MCU: variants seen among roughly 807,000 people sequenced by gnomAD.
The protein encoded by MCU is calcium uniporter protein, mitochondrial.
A neutral mutation model predicts 45.2 loss-of-function variants in MCU; 12 were observed. The ratio of observed to expected loss-of-function variants is 0.27; its 90% CI spans 0.17 to 0.43. MCU has a LOEUF of 0.43. MCU is among the 20% of genes least tolerant of loss of function. The pLI, the probability that MCU is intolerant of heterozygous loss-of-function variation, is 1.00. For synonymous variants in MCU, 160 were observed against 165.1 expected, an observed-to-expected ratio of 0.97 and a Z score of 0.24; for missense variants, 324 against 436.7, an observed-to-expected ratio of 0.74 and a Z score of 2.30.
intron 1 of MCU, among the ~76,000 whole-genome samples, chr10:72,704,618 G>A (rs1238062433): frequency 6.6e-6 from 1 of 150,898 alleles, no homozygotes; most frequent in Non-Finnish European, 1.5e-5. Flanking sequence ...AATCACTGTA[G>A]CCTCGAACTC....
At chr10:72,786,607 G>A (rs572427638) in intron 1 of MCU, among the ~76,000 whole-genome samples, 1 of 152,020 alleles carries the variant, frequency 6.6e-6, no homozygotes, top group African/African-American at 2.4e-5. Flanking sequence ...TTAGCAGGGC[G>A]TGGTGGCAGG....
chr10:72,719,544 T>G (rs111539177), intron 1 of MCU, among the ~76,000 whole-genome samples: 2 of 152,334 alleles, frequency 1.3e-5, no homozygotes, highest in African/African-American at 2.4e-5. Flanking sequence ...TCCCACTGAT[T>G]GTTACATCAG....
intron 1 of MCU, chr10:72,692,921 A>T (rs1321502108): frequency 6.6e-7 from 1 of 1,512,720 alleles, no homozygotes; most frequent in Non-Finnish European, 8.8e-7. Context: ...CTCGAGATGG[A>T]TGCTGCATTG....
At chr10:72,717,997 G>A (rs570226214) in intron 1 of MCU, among the ~76,000 whole-genome samples, 2 of 152,212 alleles carry the variant, frequency 1.3e-5, no homozygotes, top group Non-Finnish European at 2.9e-5. Context: ...TGGTACATTT[G>A]TTACAATTAA....
intron 4 of MCU, among the ~76,000 whole-genome samples, chr10:72,862,863 A>G (rs1285998867): frequency 6.6e-6 from 1 of 151,938 alleles, no homozygotes; most frequent in Non-Finnish European, 1.5e-5. Context: ...GTTTGGGACC[A>G]GCCTGGGCAA....
chr10:72,798,302 G>A (rs1844283062), intron 1 of MCU, among the ~76,000 whole-genome samples: 1 of 152,042 alleles, frequency 6.6e-6, no homozygotes, highest in Non-Finnish European at 1.5e-5. Context: ...TTGTTTGTTT[G>A]TTTGTTTGAG....
intron 1 of MCU, among the ~76,000 whole-genome samples, chr10:72,698,898 G>C (rs955291563): frequency 6.6e-6 from 1 of 152,034 alleles, no homozygotes; most frequent in East Asian, 1.9e-4. Flanking sequence ...TGAACTCCTG[G>C]GCTTAAGTGA....
chr10:72,858,044 A>G (rs2132867011), intron 2 of MCU, among the ~76,000 whole-genome samples: 1 of 152,312 alleles, frequency 6.6e-6, no homozygotes, highest in Admixed American at 6.5e-5. Context: ...AAGGAGACCT[A>G]TATTTCTCAT....
In MCU at chr10:72,692,146, T is replaced by A. The variant is rs1305097065; in HGVS notation, c.-6T>A. On this transcript the variant is annotated 5_prime_UTR_variant, in exon 1 of 8. Transcript: ENST00000373053. ...TGCCTGGGTCGGCGCCGTTTCCAGT[T>A]GAGAGATGGCGGCCGCCGCAGGTAG... 3.1e-6 allele frequency: 4 copies of A among 1,291,824 alleles called. No individual in the cohort carries two copies. Among genetic ancestry groups the A allele is most frequent in the Non-Finnish European group, 3.9e-6 (4 of 1,012,736 alleles). 80.0% of individuals were successfully genotyped at this position (1,291,824 alleles called of 1,614,324 possible).
chr10:72,788,685 G>T (rs537419063), intron 1 of MCU, among the ~76,000 whole-genome samples: 11 of 152,270 alleles, frequency 7.2e-5, no homozygotes, highest in Non-Finnish European at 1.6e-4. Context: ...AGTTCATCTC[G>T]TGCTTTCTAT....
At chr10:72,741,574 C>A (rs773720519) in intron 1 of MCU, among the ~76,000 whole-genome samples, 20 of 152,260 alleles carry the variant, frequency 1.3e-4, no homozygotes, top group South Asian at 2.1e-4. Context: ...GGCATCTTAA[C>A]AGTGAGAAGA....
intron 1 of MCU, among the ~76,000 whole-genome samples, chr10:72,709,410 A>G (rs948844184): frequency 6.6e-6 from 1 of 152,212 alleles, no homozygotes; most frequent in African/African-American, 2.4e-5. Context: ...ATCTAATGAG[A>G]AGATTGAAGG....
At chr10:72,787,337 C>T (rs981330407) in intron 1 of MCU, among the ~76,000 whole-genome samples, 8 of 152,158 alleles carry the variant, frequency 5.3e-5, no homozygotes, top group Admixed American at 2.0e-4. Flanking sequence ...GGCGCAATCC[C>T]AGCTCACTGC....
intron 1 of MCU, chr10:72,712,441 G>A (rs917028229): frequency 6.6e-6 from 1 of 152,184 alleles, no homozygotes; most frequent in African/African-American, 2.4e-5. Context: ...AAAAGCCTGG[G>A]TTACTAAAAT....
intron 2 of MCU, among the ~76,000 whole-genome samples, chr10:72,837,351 T>TA (rs1844969960): frequency 6.6e-6 from 1 of 152,198 alleles, no homozygotes. Context: ...CACATACTCA[T>TA]ACTCACACCC....
chr10:72,769,778 C>T (rs980248401), intron 1 of MCU, among the ~76,000 whole-genome samples: 21 of 152,190 alleles, frequency 1.4e-4, no homozygotes, highest in Non-Finnish European at 5.9e-5. Flanking sequence ...CTCATTTCCC[C>T]ACAATCCTTC....
At chr10:72,712,111 G>A (rs1275781660) in intron 1 of MCU, among the ~76,000 whole-genome samples, 2 of 151,834 alleles carry the variant, frequency 1.3e-5, no homozygotes, top group African/African-American at 2.4e-5. Context: ...CTACTTTGGC[G>A]TTTCTGTCTC....
At chr10:72,748,290 C>T (rs1196766291) in intron 1 of MCU, among the ~76,000 whole-genome samples, 3 of 152,200 alleles carry the variant, frequency 2.0e-5, no homozygotes, top group African/African-American at 2.4e-5. Flanking sequence ...TCAGGTGATC[C>T]GCCCGCCTTG....
intron 1 of MCU, among the ~76,000 whole-genome samples, chr10:72,753,167 C>T (rs1011971023): frequency 2.0e-5 from 3 of 152,114 alleles, no homozygotes; most frequent in Non-Finnish European, 4.4e-5. Context: ...TTACATATAT[C>T]GCTAATGAAA....
Sources: gnomAD v4.1 joint callset for allele counts (sites outside exome capture counted in the v4.1 genomes callset) on GRCh38, gnomAD v4.1.1 for gene constraint, MANE v1.5 for transcripts, NCBI Gene and HGNC (gene_info 2026-07-23, HGNC 2026-07-21) for gene names.